The following SDR42E2 variants were observed in gnomAD, a reference collection of about 807,000 sequenced individuals.
SDR42E2 encodes the protein short chain dehydrogenase/reductase family 42E, member 2.
A neutral mutation model predicts 10.5 loss-of-function variants in SDR42E2; 20 were observed. The observed-to-expected ratio is 1.90, with a 90% CI of 1.34 to 2.77. SDR42E2 has a LOEUF of 2.77. SDR42E2 is among the 30% of genes most tolerant of loss of function. The probability of loss-of-function intolerance (pLI) is 0.00; values close to 1 mark genes in which losing one functional copy is unlikely to be tolerated. For synonymous variants in SDR42E2, 72 were observed against 39.2 expected, an observed-to-expected ratio of 1.84 and a Z score of -3.12; for missense variants, 162 against 104.2, an observed-to-expected ratio of 1.55 and a Z score of -2.42.
intron 5 of SDR42E2, among the ~76,000 whole-genome samples, chr16:22,169,959 G>A (rs1220172980): frequency 6.6e-6 from 1 of 152,078 alleles, no homozygotes; most frequent in East Asian, 1.9e-4. Flanking sequence ...TTGAATCTGA[G>A]AGGCAGAGGT....
chr16:22,173,776 C>T (rs1430301461), intron 7 of SDR42E2, among the ~76,000 whole-genome samples: 1 of 151,582 alleles, frequency 6.6e-6, no homozygotes, highest in Non-Finnish European at 1.5e-5. Flanking sequence ...AATCTCAGCA[C>T]TTTGGGAGGC....
chr16:22,181,303 G>T (rs964247315), intron 8 of SDR42E2, among the ~76,000 whole-genome samples: 2 of 152,138 alleles, frequency 1.3e-5, no homozygotes, highest in Admixed American at 1.3e-4. Flanking sequence ...AGGGAGGAGC[G>T]GGGTGGGAGA....
At chr16:22,173,314 G>C (rs1470756735) in intron 7 of SDR42E2, among the ~76,000 whole-genome samples, 1 of 152,162 alleles carries the variant, frequency 6.6e-6, no homozygotes. Flanking sequence ...CTGCCTCCTG[G>C]GTTCAATAGA....
chr16:22,191,605 C>T lies in SDR42E2; in HGVS notation c.*1212C>T, dbSNP rs1374684013. 2.6e-5 allele frequency: 4 copies of T among 151,888 alleles called. No homozygotes were observed. Among genetic ancestry groups the T allele is most frequent in the Non-Finnish European group, 5.9e-5 (4 of 68,006 alleles). 9.4% of individuals were successfully genotyped at this position (151,888 alleles called of 1,614,324 possible). A position where few individuals can be genotyped will look rare whatever the true frequency, so the allele number is the denominator to read the frequency against. Reference sequence around the variant, plus strand: ...AGACTCAAGCTTCTGCCGAGCCCGACTTGGCCTTTTTGGGTTCCTGTCTGA... The same window carrying T: ...AGACTCAAGCTTCTGCCGAGCCCGATTTGGCCTTTTTGGGTTCCTGTCTGA... On this transcript the variant is annotated 3_prime_UTR_variant, in exon 13 of 13. Transcript: ENST00000602312.
chr16:22,182,737 C>T (rs2046706013), intron 10 of SDR42E2, among the ~76,000 whole-genome samples: 1 of 152,198 alleles, frequency 6.6e-6, no homozygotes, highest in Non-Finnish European at 1.5e-5. Flanking sequence ...AGGTGGCTCA[C>T]ATCTGTAAGC....
At chr16:22,177,661 G>A (rs2046655989) in intron 7 of SDR42E2, among the ~76,000 whole-genome samples, 2 of 146,924 alleles carry the variant, frequency 1.4e-5, no homozygotes, top group Non-Finnish European at 1.5e-5. Flanking sequence ...AAAAGAAAAA[G>A]GAAAAGGAAA....
chr16:22,184,063 G>A, intron 10 of SDR42E2, 118 bp from the exon 11 acceptor site: 2 of 396,798 alleles, frequency 5.0e-6, no homozygotes, highest in Non-Finnish European at 8.9e-6. Flanking sequence ...TGCCCCCTGG[G>A]GTGGGTTGGT....
At chr16:22,172,972 G>C (rs1349368729) in intron 7 of SDR42E2, among the ~76,000 whole-genome samples, 5 of 151,962 alleles carry the variant, frequency 3.3e-5, no homozygotes, top group African/African-American at 4.8e-5. Context: ...GTAGAGATGG[G>C]GTCTCACTAT....
intron 5 of SDR42E2, among the ~76,000 whole-genome samples, chr16:22,170,329 G>A (rs933566950): frequency 2.0e-5 from 3 of 152,088 alleles, no homozygotes; most frequent in Admixed American, 1.3e-4. Context: ...ACTCCAGCCT[G>A]GGCAACAAGA....
In SDR42E2 at chr16:22,167,177, T is replaced by G. The variant is rs548197096; in HGVS notation, c.336+178T>G. Among the ~76,000 whole-genome samples the G allele has an allele frequency of 4.2e-3, 446 of 105,218 alleles. 27 individuals carry two copies. The highest frequency in any genetic ancestry group is 0.014 in the African/African-American group (398 of 29,452). 69.0% of individuals were successfully genotyped at this position (105,218 alleles called of 152,430 possible). On this transcript the variant is annotated intron_variant, in intron 4 of 12. Transcript: ENST00000602312. ...TACCAGTTCTGCCATTTTTTTTTTT[T>G]TTTTTTTTTTTTTTTTTTTTTTTTT...
In SDR42E2 at chr16:22,164,591, T is replaced by C. The variant is rs140709697; in HGVS notation, c.-36-956T>C. Among the ~76,000 whole-genome samples the C allele has an allele frequency of 3.0e-3, 455 of 152,056 alleles. 1 individual carries two copies. The highest frequency in any genetic ancestry group is 0.01 in the African/African-American group (422 of 41,484). On this transcript the variant is annotated intron_variant, in intron 1 of 12. Coordinates refer to ENST00000602312, the MANE Select transcript of SDR42E2 (RefSeq NM_001394319.2). ...GCAAAGAACAGGATCCTCAGTGCTG[T>C]CCCCCTAGGCCCATAGACCAGACCC...
intron 12 of SDR42E2, among the ~76,000 whole-genome samples, chr16:22,188,885 T>C (rs2046752796): frequency 6.6e-6 from 1 of 152,156 alleles, no homozygotes; most frequent in African/African-American, 2.4e-5. Context: ...GAAGACATAG[T>C]CCTTGCCCTT....
rs147990229 is a variant in SDR42E2 at position 22,171,301 on chromosome 16, C to T, written c.513+350C>T. Reference sequence around the variant, plus strand: ...CTGTCCCCAGGCTGGAGTGCAGTGGCGTGATTTTGGCTCACTGCAACCTCT... The same window carrying T: ...CTGTCCCCAGGCTGGAGTGCAGTGGTGTGATTTTGGCTCACTGCAACCTCT... On this transcript the variant is annotated intron_variant, in intron 6 of 12. Transcript: ENST00000602312. Among the ~76,000 whole-genome samples the T allele has an allele frequency of 9.2e-5, 14 of 152,138 alleles. No homozygotes were observed. In the East Asian group the frequency reaches 2.3e-3, roughly 25 times the overall value.
intron 4 of SDR42E2, 125 bp from the exon 5 acceptor site, chr16:22,169,320 C>T (rs750518920): frequency 1.5e-4 from 100 of 663,152 alleles, no homozygotes; most frequent in Non-Finnish European, 1.1e-4. Flanking sequence ...GGTGGGCCTT[C>T]GGGATCCCTG....
intron 12 of SDR42E2, among the ~76,000 whole-genome samples, chr16:22,188,734 T>C (rs921964113): frequency 6.6e-6 from 1 of 152,188 alleles, no homozygotes; most frequent in African/African-American, 2.4e-5. Flanking sequence ...TGTCCTTAAC[T>C]GTGGAAGTTC....
At chr16:22,182,304 C>T (rs974745417) in intron 10 of SDR42E2, 27 bp downstream of exon 10, 13 of 400,930 alleles carry the variant, frequency 3.2e-5, no homozygotes, top group Non-Finnish European at 4.9e-5. Context: ...CCACCCACCC[C>T]GAATGATCAT....
intron 4 of SDR42E2, 39 bp downstream of exon 4, chr16:22,167,038 TG>T: frequency 1.4e-6 from 1 of 697,082 alleles, no homozygotes; most frequent in Non-Finnish European, 2.6e-6. Context: ...TTAGACAGAG[TG>T]GGGTTCCAGT....
rs1384497845 is a variant in SDR42E2 at position 22,190,559 on chromosome 16, C to G, written c.*166C>G. On this transcript the variant is annotated 3_prime_UTR_variant, in exon 13 of 13. Coordinates refer to ENST00000602312, the MANE Select transcript of SDR42E2 (RefSeq NM_001394319.2). ...CCCGAGCCGCTCTCCAGACCTAGCC[C>G]GGACCGCCGACTTCTGGCCACGCCC... The G allele has an allele frequency of 2.5e-6, 1 of 399,292 alleles. No individual in the cohort carries two copies. Among genetic ancestry groups the G allele is most frequent in the Non-Finnish European group, 4.4e-6 (1 of 226,480 alleles). 24.7% of individuals were successfully genotyped at this position (399,292 alleles called of 1,614,324 possible).
chr16:22,182,189 C>A (rs1297763609), intron 9 of SDR42E2, 23 bp from the exon 10 acceptor site: 1 of 405,854 alleles, frequency 2.5e-6, no homozygotes, highest in East Asian at 3.6e-5. Context: ...GGCTGACCGT[C>A]CCCTCCCACA....
Sources: gnomAD v4.1 joint callset for allele counts (sites outside exome capture counted in the v4.1 genomes callset) on GRCh38, gnomAD v4.1.1 for gene constraint, MANE v1.5 for transcripts, NCBI Gene and HGNC (gene_info 2026-07-23, HGNC 2026-07-21) for gene names.